Variants in TIMM23B observed in about 807,000 individuals in gnomAD.
TIMM23B encodes translocase of inner mitochondrial membrane 23 homolog B, also known as mitochondrial import inner membrane translocase subunit Tim23B.
Under a neutral mutation model 27.3 loss-of-function variants are expected in TIMM23B, and 27 were observed. The ratio of observed to expected loss-of-function variants is 0.99; its 90% CI spans 0.73 to 1.36. The LOEUF is 1.36. Among genes scored for constraint, TIMM23B ranks in the 40% most tolerant of loss-of-function variants. The pLI is 0.00. For missense variants in TIMM23B, 205 were observed against 244.2 expected (o/e 0.84, Z 1.07); for synonymous variants, 73 against 92.4 (o/e 0.79, Z 1.21).
intron 5 of TIMM23B, among the ~76,000 whole-genome samples, chr10:49,956,232 T>C (rs1234693061): frequency 3.9e-5 from 6 of 151,968 alleles, no homozygotes; most frequent in African/African-American, 1.4e-4. Context: ...CGGTGTATTG[T>C]TGCAAGGGGC....
At chr10:49,971,644 G>A (rs544729343) in intron 6 of TIMM23B, among the ~76,000 whole-genome samples, 13 of 152,272 alleles carry the variant, frequency 8.5e-5, no homozygotes, top group African/African-American at 3.1e-4. Flanking sequence ...TTGCCATTGA[G>A]CATATGCAAA....
intron 6 of TIMM23B, among the ~76,000 whole-genome samples, chr10:49,969,753 TCTCA>T (rs1321212977): frequency 3.3e-5 from 5 of 151,962 alleles, no homozygotes; most frequent in Non-Finnish European, 7.4e-5. Context: ...TGGCTCTCCC[TCTCA>T]CTCTCCCTCT....
intron 1 of TIMM23B, among the ~76,000 whole-genome samples, chr10:49,943,871 G>A (rs1839266473): frequency 6.6e-6 from 1 of 151,392 alleles, no homozygotes; most frequent in African/African-American, 2.4e-5. Flanking sequence ...ATAAAGCAGA[G>A]TCATGAGATT....
intron 5 of TIMM23B, among the ~76,000 whole-genome samples, chr10:49,956,443 GTGTGTGTGTGTGTGTGTGTGTGTGTGTA>G (rs1839726831): frequency 7.6e-6 from 1 of 131,176 alleles, no homozygotes; most frequent in Non-Finnish European, 1.8e-5. Flanking sequence ...GTGTGTGTGT[GTGTGTGTGTGTGTGTGTGTGTGTGTGTA>G]TGTGTGTCTT....
chr10:49,943,822 A>G (rs2133043804), intron 1 of TIMM23B, among the ~76,000 whole-genome samples: 1 of 151,032 alleles, frequency 6.6e-6, no homozygotes, highest in Non-Finnish European at 1.5e-5. Context: ...ACAAACATAA[A>G]TTAAAACATT....
At chr10:49,942,400 G>C (rs1839148131) in intron 1 of TIMM23B, 100 bp downstream of exon 1, 1 of 1,543,618 alleles carries the variant, frequency 6.5e-7, no homozygotes, top group African/African-American at 1.4e-5. Context: ...TTTTTTCCTT[G>C]CTGGCGTTTA....
At chr10:49,949,197 CTTTTTTTT>C (rs1318050672) in intron 2 of TIMM23B, among the ~76,000 whole-genome samples, 2 of 106,594 alleles carry the variant, frequency 1.9e-5, no homozygotes, top group African/African-American at 7.0e-5. Context: ...CATGCCTGGC[CTTTTTTTT>C]TTTTTTTTTT....
At chr10:49,967,317 A>T (rs1417399093) in intron 6 of TIMM23B, among the ~76,000 whole-genome samples, 1 of 152,224 alleles carries the variant, frequency 6.6e-6, no homozygotes, top group African/African-American at 2.4e-5. Context: ...TGTAAACTTC[A>T]GTGGTGCTAT....
At chr10:49,970,665 G>A (rs1424256355) in intron 6 of TIMM23B, among the ~76,000 whole-genome samples, 2 of 133,276 alleles carry the variant, frequency 1.5e-5, no homozygotes, top group Admixed American at 7.4e-5. Context: ...GGAGGGAGGT[G>A]GGGGGCAGCC....
intron 6 of TIMM23B, among the ~76,000 whole-genome samples, chr10:49,968,966 T>C (rs1840293721): frequency 6.6e-6 from 1 of 152,282 alleles, no homozygotes; most frequent in South Asian, 2.1e-4. Context: ...AGGATTGTGA[T>C]GCATTTTAAA....
At chr10:49,944,739 A>G (rs1427444667) in intron 1 of TIMM23B, among the ~76,000 whole-genome samples, 4 of 152,256 alleles carry the variant, frequency 2.6e-5, no homozygotes, top group Non-Finnish European at 4.4e-5. Flanking sequence ...TTAGCTTTGT[A>G]AATGGCCTGG....
intron 6 of TIMM23B, among the ~76,000 whole-genome samples, chr10:49,970,910 T>TA (rs1168487057): frequency 6.6e-6 from 1 of 152,164 alleles, no homozygotes; most frequent in African/African-American, 2.4e-5. Context: ...GGGGAAAAGA[T>TA]AGAGAAATCG....
intron 6 of TIMM23B, among the ~76,000 whole-genome samples, chr10:49,970,647 C>T (rs1260589901): frequency 1.3e-5 from 2 of 151,128 alleles, no homozygotes; most frequent in African/African-American, 4.9e-5. Context: ...GGCCAGCTGC[C>T]CCGTCCGGGA....
At chr10:49,948,618 C>A (rs1839425687) in intron 2 of TIMM23B, among the ~76,000 whole-genome samples, 3 of 152,054 alleles carry the variant, frequency 2.0e-5, no homozygotes, top group Admixed American at 6.5e-5. Context: ...CACAAGAGAC[C>A]ACATATTGTG....
intron 6 of TIMM23B, among the ~76,000 whole-genome samples, chr10:49,963,595 A>C (rs1839998898): frequency 6.6e-6 from 1 of 152,252 alleles, no homozygotes; most frequent in Non-Finnish European, 1.5e-5. Flanking sequence ...GCGGTGATGC[A>C]CTCCAGCTTG....
Position 49,963,179 on chromosome 10 carries a change from C to T in TIMM23B, c.514+4699C>T, listed in dbSNP as rs1291318919. Among the ~76,000 whole-genome samples the T allele has an allele frequency of 2.7e-3, 410 of 152,184 alleles. 2 individuals are homozygous for T. The highest frequency in any genetic ancestry group is 8.7e-3 in the African/African-American group (360 of 41,500). ...CTGAATTCCAGCCTGGGCGATAGAG[C>T]GAGTCTGTCTCAGAATGAAATGACG... On this transcript the variant is annotated intron_variant, in intron 6 of 6. Transcript: ENST00000651259.
chr10:49,973,502 T>A lies in TIMM23B; in HGVS notation c.*438T>A, dbSNP rs1281172444. Reference sequence around the variant, plus strand: ...ACCAGCCTGGGCAATATAGCAAGATTTCATCTCTACAAAAAAATGAAAACA... The same window carrying A: ...ACCAGCCTGGGCAATATAGCAAGATATCATCTCTACAAAAAAATGAAAACA... On this transcript the variant is annotated 3_prime_UTR_variant, in exon 7 of 7. Coordinates refer to ENST00000651259, the MANE Select transcript of TIMM23B (RefSeq NM_001290117.2). 1 of 163,186 alleles carries A rather than the reference T, an allele frequency of 6.1e-6. No homozygotes were observed. Among genetic ancestry groups the A allele is most frequent in the African/African-American group, 2.4e-5 (1 of 41,410 alleles). The allele number at this position is 163,186 out of a possible 1,614,324, so 10.1% of individuals were successfully genotyped here.
At chr10:49,961,363 A>G (rs1485621170) in intron 6 of TIMM23B, among the ~76,000 whole-genome samples, 8 of 148,494 alleles carry the variant, frequency 5.4e-5, no homozygotes, top group African/African-American at 7.5e-5. Context: ...AGCCTGGGCA[A>G]TAAGAGTGAA....
chr10:49,947,614 A>G (rs1839394916), intron 2 of TIMM23B, among the ~76,000 whole-genome samples: 1 of 151,302 alleles, frequency 6.6e-6, no homozygotes, highest in Admixed American at 6.6e-5. Flanking sequence ...GGTCTCAAAA[A>G]TAAATAAATA....
Sources: allele counts gnomAD v4.1 joint callset (sites outside exome capture counted in the v4.1 genomes callset), GRCh38; gene constraint gnomAD v4.1.1; transcripts MANE v1.5; gene names NCBI Gene and HGNC (gene_info 2026-07-23, HGNC 2026-07-21).